ZNF83: variants seen among roughly 807,000 people sequenced by gnomAD.
The protein encoded by ZNF83 is zinc finger protein 816B.
For missense variants in ZNF83, 552 were observed against 629.9 expected (o/e 0.88, Z 1.32); for synonymous variants, 209 against 213.0 (o/e 0.98, Z 0.17).
At chr19:52,653,733 G>A (rs2061472815) in intron 3 of ZNF83, among the ~76,000 whole-genome samples, 1 of 152,232 alleles carries the variant, frequency 6.6e-6, no homozygotes, top group Admixed American at 6.5e-5. Flanking sequence ...CATTACACTT[G>A]TAAGGTTTTT....
chr19:52,663,454 T>A (rs990444170), intron 1 of ZNF83, among the ~76,000 whole-genome samples: 4 of 152,176 alleles, frequency 2.6e-5, no homozygotes, highest in Non-Finnish European at 5.9e-5. Flanking sequence ...TCCTTCAACA[T>A]CTGCAAAGAA....
intron 1 of ZNF83, among the ~76,000 whole-genome samples, chr19:52,687,579 T>C (rs2062055165): frequency 3.8e-5 from 1 of 26,244 alleles, no homozygotes; most frequent in African/African-American, 6.0e-4. Flanking sequence ...ATATAAATTT[T>C]ATATATATAT....
chr19:52,658,945 T>G (rs2061541966), intron 2 of ZNF83, among the ~76,000 whole-genome samples: 2 of 152,190 alleles, frequency 1.3e-5, no homozygotes, highest in African/African-American at 4.8e-5. Context: ...GTTAATTCTA[T>G]TCTAAATAAA....
intron 1 of ZNF83, among the ~76,000 whole-genome samples, chr19:52,671,687 C>G (rs529816355): frequency 6.6e-6 from 1 of 152,192 alleles, no homozygotes; most frequent in Non-Finnish European, 1.5e-5. Context: ...AAGCGATCAA[C>G]CCACCTTTGC....
intron 1 of ZNF83, among the ~76,000 whole-genome samples, chr19:52,680,778 A>G: frequency 6.9e-6 from 1 of 145,780 alleles, no homozygotes; most frequent in African/African-American, 2.7e-5. Context: ...ACGCCCGGCT[A>G]ATTTTTTGTA....
At chr19:52,630,890 C>T (rs768584717) in intron 2 of ZNF83, among the ~76,000 whole-genome samples, 5 of 152,048 alleles carry the variant, frequency 3.3e-5, no homozygotes, top group Admixed American at 6.6e-5. Flanking sequence ...CCAGATAAGA[C>T]TTAATAGGTT....
At chr19:52,628,529 G>A (rs2060828182) in intron 2 of ZNF83, among the ~76,000 whole-genome samples, 1 of 152,072 alleles carries the variant, frequency 6.6e-6, no homozygotes, top group South Asian at 2.1e-4. Flanking sequence ...CACGGAGTAG[G>A]GAAGGCAGCC....
intron 2 of ZNF83, among the ~76,000 whole-genome samples, chr19:52,630,890 C>G (rs768584717): frequency 2.6e-5 from 4 of 152,048 alleles, no homozygotes; most frequent in Admixed American, 6.6e-5. Context: ...CCAGATAAGA[C>G]TTAATAGGTT....
chr19:52,671,563 C>A (rs1175863972), intron 1 of ZNF83, among the ~76,000 whole-genome samples: 2 of 152,098 alleles, frequency 1.3e-5, no homozygotes, highest in Non-Finnish European at 2.9e-5. Flanking sequence ...CCCGCCACAC[C>A]TCCCAACTAG....
At chr19:52,644,932 C>G (rs1028548865) in intron 3 of ZNF83, among the ~76,000 whole-genome samples, 4 of 150,986 alleles carry the variant, frequency 2.6e-5, no homozygotes, top group Non-Finnish European at 5.9e-5. Flanking sequence ...ATAGCTTGAA[C>G]CCGGGAGGAG....
intron 2 of ZNF83, among the ~76,000 whole-genome samples, chr19:52,634,610 A>G: frequency 6.6e-6 from 1 of 152,204 alleles, no homozygotes; most frequent in South Asian, 2.1e-4. Flanking sequence ...ATTACCTAAA[A>G]ATATAGTATA....
chr19:52,626,307 G>A (rs371474465), intron 2 of ZNF83, among the ~76,000 whole-genome samples: 131 of 152,256 alleles, frequency 8.6e-4, no homozygotes, highest in African/African-American at 3.1e-3. Context: ...TCAACTCTTA[G>A]CCCCAGTTGT....
exon 3 of ZNF83, chr19:52,613,198 G>A: frequency 6.2e-7 from 1 of 1,614,040 alleles, no homozygotes; most frequent in Non-Finnish European, 8.5e-7. Flanking sequence ...ACATTTGAAA[G>A]GTTTCTCTCC....
chr19:52,666,990 CAGAA>C (rs2061663206), intron 1 of ZNF83, among the ~76,000 whole-genome samples: 1 of 152,138 alleles, frequency 6.6e-6, no homozygotes, highest in Non-Finnish European at 1.5e-5. Flanking sequence ...AAAGTAGTTA[CAGAA>C]TCAGGAAGGA....
At chr19:52,685,044 C>T (rs143524851) in intron 1 of ZNF83, among the ~76,000 whole-genome samples, 4 of 152,164 alleles carry the variant, frequency 2.6e-5, no homozygotes, top group East Asian at 1.9e-4. Flanking sequence ...CTGAGTCTAC[C>T]GCTCTGTTTC....
At chr19:52,618,859 A>T (rs933279559) in intron 2 of ZNF83, 12 of 1,518,320 alleles carry the variant, frequency 7.9e-6, no homozygotes, top group Non-Finnish European at 1.1e-5. Context: ...GCAAGGATGC[A>T]ACTCCCAAGA....
rs185890301 is a variant in ZNF83 at position 52,623,590 on chromosome 19, A to C, written c.-233-8793T>G. On this transcript the variant is annotated intron_variant, in intron 2 of 2. Coordinates refer to ENST00000301096, the Ensembl canonical transcript of ZNF83. ...CATCTCATTGCCGCCCTTCTTCCCA[A>C]CCCAAAGCCTCCTTCACGTCTTCCT... 3.9e-5 allele frequency among the ~76,000 whole-genome samples: 6 copies of C among 151,972 alleles called. No homozygotes were observed. In the East Asian group the frequency reaches 9.7e-4, roughly 25 times the overall value.
At chr19:52,680,251 T>C (rs886505743) in intron 1 of ZNF83, among the ~76,000 whole-genome samples, 1 of 152,056 alleles carries the variant, frequency 6.6e-6, no homozygotes. Flanking sequence ...AGAGCCAAGA[T>C]AGACAAGAGC....
chr19:52,684,993 T>C (rs932121665), intron 1 of ZNF83, among the ~76,000 whole-genome samples: 1 of 152,220 alleles, frequency 6.6e-6, no homozygotes, highest in African/African-American at 2.4e-5. Flanking sequence ...TTGGCTGTGA[T>C]GTCCTCATAC....
Sources: gnomAD v4.1 joint callset for allele counts (sites outside exome capture counted in the v4.1 genomes callset) on GRCh38, gnomAD v4.1.1 for gene constraint, MANE v1.5 for transcripts, NCBI Gene and HGNC (gene_info 2026-07-23, HGNC 2026-07-21) for gene names.